CACNA2D3: variants seen among roughly 807,000 people sequenced by gnomAD.
CACNA2D3 encodes the protein calcium voltage-gated channel auxiliary subunit alpha2delta 3.
Under a neutral mutation model 160.6 loss-of-function variants are expected in CACNA2D3, and 60 were observed. The observed-to-expected ratio is 0.37, with a 90% CI of 0.30 to 0.46. The LOEUF is 0.46. CACNA2D3 is among the 20% of genes least tolerant of loss of function. The pLI is 1.00. For synonymous variants in CACNA2D3, 558 were observed against 492.9 expected, an observed-to-expected ratio of 1.13 and a Z score of -1.75; for missense variants, 1,205 against 1,365.0, an observed-to-expected ratio of 0.88 and a Z score of 1.85.
chr3:54,724,423 A>C (rs1029853505), intron 11 of CACNA2D3, among the ~76,000 whole-genome samples: 4 of 152,200 alleles, frequency 2.6e-5, no homozygotes, highest in African/African-American at 9.6e-5. Context: ...GGGACCTAAC[A>C]GATATCTACA....
chr3:54,810,746 G>A (rs758912246), intron 13 of CACNA2D3, among the ~76,000 whole-genome samples: 10 of 152,042 alleles, frequency 6.6e-5, no homozygotes, highest in Non-Finnish European at 1.2e-4. Context: ...TTTGAAAAAG[G>A]GTCCACTCAA....
At chr3:54,874,011 A>T (rs1013788511) in intron 18 of CACNA2D3, among the ~76,000 whole-genome samples, 3 of 152,222 alleles carry the variant, frequency 2.0e-5, no homozygotes, top group African/African-American at 7.2e-5. Flanking sequence ...ATGTAAGCAC[A>T]GCCCACTGAG....
chr3:54,434,975 C>T (rs989442066), intron 4 of CACNA2D3, among the ~76,000 whole-genome samples: 34 of 152,172 alleles, frequency 2.2e-4, no homozygotes, highest in African/African-American at 8.2e-4. Flanking sequence ...CAGGTTTCAT[C>T]ATACTTCTAA....
chr3:54,181,297 T>C (rs1700778144), intron 2 of CACNA2D3, among the ~76,000 whole-genome samples: 1 of 152,212 alleles, frequency 6.6e-6, no homozygotes, highest in African/African-American at 2.4e-5. Flanking sequence ...TATTTAGCAG[T>C]AACAACAACC....
At chr3:54,994,943 G>T (rs914319824) in intron 31 of CACNA2D3, among the ~76,000 whole-genome samples, 2 of 152,122 alleles carry the variant, frequency 1.3e-5, no homozygotes, top group Non-Finnish European at 2.9e-5. Context: ...TGCCTTAAGA[G>T]ATAGAGAAAG....
chr3:54,647,425 G>A (rs1699672663), intron 11 of CACNA2D3, among the ~76,000 whole-genome samples: 1 of 152,188 alleles, frequency 6.6e-6, no homozygotes, highest in South Asian at 2.1e-4. Flanking sequence ...TAACTAGGTG[G>A]TGGTTCTGTT....
Position 54,986,721 on chromosome 3 carries a change from T to C in CACNA2D3, c.2620-962T>C, listed in dbSNP as rs139713130. ...TACATAATTTGGATTCTTATTGCAGTGCCCTCCACCCACCCACCCACCCAC... is the reference window on the plus strand; with the variant it reads ...TACATAATTTGGATTCTTATTGCAGCGCCCTCCACCCACCCACCCACCCAC... On this transcript the variant is annotated intron_variant, in intron 30 of 37. Coordinates refer to ENST00000474759, the MANE Select transcript of CACNA2D3 (RefSeq NM_018398.3). 8.1e-3 allele frequency among the ~76,000 whole-genome samples: 1,213 copies of C among 149,348 alleles called. 80 individuals carry two copies. In the East Asian group the frequency reaches 0.17, roughly 21 times the overall value.
chr3:54,971,260 T>C (rs1215886750), intron 29 of CACNA2D3, among the ~76,000 whole-genome samples: 1 of 152,200 alleles, frequency 6.6e-6, no homozygotes, highest in Non-Finnish European at 1.5e-5. Context: ...ATAATTTTTG[T>C]AGGATAGTCA....
intron 4 of CACNA2D3, among the ~76,000 whole-genome samples, chr3:54,442,533 A>G (rs1700160794): frequency 6.6e-6 from 1 of 152,150 alleles, no homozygotes; most frequent in Non-Finnish European, 1.5e-5. Flanking sequence ...TGTGAACATC[A>G]TTATCCTTGA....
intron 11 of CACNA2D3, among the ~76,000 whole-genome samples, chr3:54,739,355 G>A (rs1391018487): frequency 6.7e-6 from 1 of 149,088 alleles, no homozygotes; most frequent in Non-Finnish European, 1.5e-5. Flanking sequence ...GGGAGGCAGA[G>A]GTTGCAGTGA....
intron 27 of CACNA2D3, among the ~76,000 whole-genome samples, chr3:54,919,360 AT>A (rs773137014): frequency 2.3e-4 from 35 of 152,228 alleles, no homozygotes; most frequent in Admixed American, 3.9e-4. Context: ...TATTACAAAG[AT>A]CCTGTGTGTC....
chr3:54,565,940 T>C (rs533653806), intron 6 of CACNA2D3, among the ~76,000 whole-genome samples: 1 of 152,320 alleles, frequency 6.6e-6, no homozygotes, highest in East Asian at 1.9e-4. Context: ...TCATTTGTTT[T>C]GTCCATTACT....
At chr3:54,525,475 G>C (rs1701710899) in intron 5 of CACNA2D3, among the ~76,000 whole-genome samples, 1 of 152,148 alleles carries the variant, frequency 6.6e-6, no homozygotes, top group African/African-American at 2.4e-5. Flanking sequence ...TAAGCATGCA[G>C]AACTTCTTTT....
chr3:54,764,031 T>C (rs1244731053), intron 12 of CACNA2D3, among the ~76,000 whole-genome samples, 187 bp from the exon 13 acceptor site: 3 of 151,340 alleles, frequency 2.0e-5, no homozygotes. Context: ...CATGAACTTA[T>C]TACTCATAAA....
intron 3 of CACNA2D3, among the ~76,000 whole-genome samples, chr3:54,380,497 G>A (rs13086644): frequency 0.07 from 10,623 of 152,296 alleles, 450 homozygotes; most frequent in East Asian, 0.17. Flanking sequence ...CCAGCACTTT[G>A]GGAGGCCGAG....
intron 17 of CACNA2D3, among the ~76,000 whole-genome samples, chr3:54,863,629 G>C (rs906413251): frequency 6.6e-6 from 1 of 152,058 alleles, no homozygotes; most frequent in Non-Finnish European, 1.5e-5. Flanking sequence ...CCCACACACA[G>C]TGCTGTGTGT....
At chr3:54,303,314 A>G (rs1439145094) in intron 2 of CACNA2D3, among the ~76,000 whole-genome samples, 1 of 152,170 alleles carries the variant, frequency 6.6e-6, no homozygotes, top group Non-Finnish European at 1.5e-5. Flanking sequence ...TTGATTCTAT[A>G]GTCTTTTCTG....
At chr3:54,284,463 A>G (rs1286043666) in intron 2 of CACNA2D3, among the ~76,000 whole-genome samples, 1 of 152,020 alleles carries the variant, frequency 6.6e-6, no homozygotes, top group Non-Finnish European at 1.5e-5. Context: ...TAACTTTAGG[A>G]GAAGTTGGGT....
chr3:54,205,480 T>C (rs960557201), intron 2 of CACNA2D3, among the ~76,000 whole-genome samples: 3 of 152,194 alleles, frequency 2.0e-5, no homozygotes, highest in Non-Finnish European at 2.9e-5. Context: ...CTCCCTGGCT[T>C]AGCAACGAAA....
Sources: gnomAD v4.1 joint callset for allele counts (sites outside exome capture counted in the v4.1 genomes callset) on GRCh38, gnomAD v4.1.1 for gene constraint, MANE v1.5 for transcripts, NCBI Gene and HGNC (gene_info 2026-07-23, HGNC 2026-07-21) for gene names.